UBE2E2: variants seen among roughly 807,000 people sequenced by gnomAD.
UBE2E2 encodes ubiquitin-conjugating enzyme E2 E2.
Under a neutral mutation model 24.7 loss-of-function variants are expected in UBE2E2, and 6 were observed. The ratio of observed to expected loss-of-function variants is 0.24; its 90% confidence interval spans 0.13 to 0.48. UBE2E2 has a LOEUF of 0.48. Ranked by LOEUF, UBE2E2 falls within the 20% of genes least tolerant of loss-of-function variation. UBE2E2 has a pLI of 0.99. For synonymous variants in UBE2E2, 104 were observed against 83.6 expected (o/e 1.24, Z -1.33); for missense variants, 169 against 245.0 (o/e 0.69, Z 2.07).
chr3:23,556,944 C>A (rs963907882), intron 5 of UBE2E2, among the ~76,000 whole-genome samples: 2 of 152,094 alleles, frequency 1.3e-5, no homozygotes, highest in African/African-American at 4.8e-5. Flanking sequence ...TATAATGAGA[C>A]CAGTTTTACC....
intron 3 of UBE2E2, among the ~76,000 whole-genome samples, chr3:23,302,006 A>T (rs2125264401): frequency 6.6e-6 from 1 of 152,316 alleles, no homozygotes; most frequent in Non-Finnish European, 1.5e-5. Flanking sequence ...AGACTTGTGG[A>T]AAATTGCTGA....
chr3:23,453,753 C>A (rs1381651106), intron 3 of UBE2E2, among the ~76,000 whole-genome samples: 1 of 152,156 alleles, frequency 6.6e-6, no homozygotes, highest in East Asian at 1.9e-4. Flanking sequence ...ACCAACAGAG[C>A]TTTCTTGTAG....
At chr3:23,464,453 C>T (rs1189766117) in intron 3 of UBE2E2, among the ~76,000 whole-genome samples, 1 of 151,922 alleles carries the variant, frequency 6.6e-6, no homozygotes, top group Non-Finnish European at 1.5e-5. Flanking sequence ...TAGGACCTTC[C>T]AAATACAGGA....
intron 3 of UBE2E2, among the ~76,000 whole-genome samples, chr3:23,272,562 A>G (rs1698273525): frequency 6.6e-6 from 1 of 152,174 alleles, no homozygotes; most frequent in African/African-American, 2.4e-5. Flanking sequence ...ACCTCTCAGT[A>G]TGAGTGTGTT....
chr3:23,548,620 C>G (rs1170169124), intron 5 of UBE2E2, among the ~76,000 whole-genome samples: 1 of 152,174 alleles, frequency 6.6e-6, no homozygotes, highest in Non-Finnish European at 1.5e-5. Context: ...GGTCTCTTCT[C>G]TCTGCATTTC....
Position 23,416,381 on chromosome 3 carries a change from C to CA in UBE2E2, c.228-83226dup, listed in dbSNP as rs1263100926. On this transcript the variant is annotated intron_variant, in intron 3 of 5. Coordinates refer to ENST00000396703, the MANE Select transcript of UBE2E2 (RefSeq NM_152653.4). ...TTTAAGAATGTTGGATACTGGCGCTCACGCTCCTCTGGCTTGTAGGGTTTC... is the reference window on the plus strand; with the variant it reads ...TTTAAGAATGTTGGATACTGGCGCTCAACGCTCCTCTGGCTTGTAGGGTTTC... Among the ~76,000 whole-genome samples the CA allele has an allele frequency of 9.2e-5, 14 of 152,314 alleles. No homozygotes were observed. The East Asian group carries it at 2.5e-3, about 27-fold the overall frequency.
chr3:23,296,716 C>T (rs909443775), intron 3 of UBE2E2, among the ~76,000 whole-genome samples: 1 of 152,142 alleles, frequency 6.6e-6, no homozygotes, highest in Admixed American at 6.5e-5. Context: ...CATTGTTGGA[C>T]ATTTAGGTTG....
chr3:23,345,877 C>A (rs1575575075), intron 3 of UBE2E2, among the ~76,000 whole-genome samples: 1 of 152,038 alleles, frequency 6.6e-6, no homozygotes, highest in Non-Finnish European at 1.5e-5. Context: ...TTAGCAGAGC[C>A]TCAAGCAGTG....
chr3:23,319,887 A>C (rs999740416), intron 3 of UBE2E2, among the ~76,000 whole-genome samples: 1 of 152,130 alleles, frequency 6.6e-6, no homozygotes, highest in Non-Finnish European at 1.5e-5. Context: ...CCTCTTGTTG[A>C]CAGATGGTTC....
At chr3:23,338,649 C>A (rs996645135) in intron 3 of UBE2E2, among the ~76,000 whole-genome samples, 3 of 151,808 alleles carry the variant, frequency 2.0e-5, no homozygotes, top group African/African-American at 7.3e-5. Flanking sequence ...GCAAAATGTT[C>A]AAAAAATGAT....
At chr3:23,228,278 A>G (rs1696877813) in intron 3 of UBE2E2, among the ~76,000 whole-genome samples, 1 of 152,180 alleles carries the variant, frequency 6.6e-6, no homozygotes, top group Admixed American at 6.5e-5. Context: ...TTTAAAAACG[A>G]TAAAATAATG....
chr3:23,233,704 C>T (rs1240906993), intron 3 of UBE2E2, among the ~76,000 whole-genome samples: 1 of 151,930 alleles, frequency 6.6e-6, no homozygotes, highest in Non-Finnish European at 1.5e-5. Context: ...AAAATGGACC[C>T]CAAAGAGAAC....
intron 3 of UBE2E2, among the ~76,000 whole-genome samples, chr3:23,446,833 CT>C (rs1698443864): frequency 6.7e-6 from 1 of 149,570 alleles, no homozygotes; most frequent in South Asian, 2.2e-4. Flanking sequence ...TGGGTCAAAA[CT>C]TTATTAATTA....
intron 3 of UBE2E2, among the ~76,000 whole-genome samples, chr3:23,250,778 A>C (rs564509125): frequency 1.2e-4 from 18 of 152,278 alleles, no homozygotes; most frequent in Non-Finnish European, 2.1e-4. Flanking sequence ...GAAAGCTTGG[A>C]GTTATATGTC....
In UBE2E2 at chr3:23,239,036, A is replaced by T. The variant is rs189193479; in HGVS notation, c.227+21724A>T. 2.0e-5 allele frequency among the ~76,000 whole-genome samples: 3 copies of T among 152,326 alleles called. No homozygotes were observed. The East Asian group carries it at 5.8e-4, about 29-fold the overall frequency. On this transcript the variant is annotated intron_variant, in intron 3 of 5. Transcript: ENST00000396703. ...TGAATTTGTTGAGTAACTGAAATGTATACCTTCAGGTTCCTAAATTTAATT... is the reference window on the plus strand; with the variant it reads ...TGAATTTGTTGAGTAACTGAAATGTTTACCTTCAGGTTCCTAAATTTAATT...
chr3:23,344,253 G>A (rs1403303576), intron 3 of UBE2E2, among the ~76,000 whole-genome samples: 1 of 151,946 alleles, frequency 6.6e-6, no homozygotes, highest in Non-Finnish European at 1.5e-5. Flanking sequence ...TCATACTGAG[G>A]TCTCAGTCAT....
At chr3:23,209,006 A>G (rs1355566874) in intron 2 of UBE2E2, 131 bp downstream of exon 2, 1 of 1,017,478 alleles carries the variant, frequency 9.8e-7, no homozygotes, top group African/African-American at 1.6e-5. Context: ...TTTCCCTTCA[A>G]GATGATCTCG....
upstream of UBE2E2, chr3:23,203,224 C>T (rs1366636231): frequency 1.0e-6 from 1 of 988,064 alleles, no homozygotes; most frequent in African/African-American, 1.7e-5. Flanking sequence ...GGAGCCGGAG[C>T]TGGAACGGCC....
intron 3 of UBE2E2, among the ~76,000 whole-genome samples, chr3:23,445,620 G>A (rs6780723): frequency 6.6e-6 from 1 of 152,028 alleles, no homozygotes; most frequent in Non-Finnish European, 1.5e-5. Context: ...AATCCTTTTT[G>A]CCTTGACAGT....
Sources: gnomAD v4.1 joint callset for allele counts (sites outside exome capture counted in the v4.1 genomes callset) on GRCh38, gnomAD v4.1.1 for gene constraint, MANE v1.5 for transcripts, NCBI Gene and HGNC (gene_info 2026-07-23, HGNC 2026-07-21) for gene names.